SLC24A2: variants seen among roughly 807,000 people sequenced by gnomAD.
The protein encoded by SLC24A2 is sodium/potassium/calcium exchanger 2.
SLC24A2 carries 36 observed loss-of-function variants against 62.0 expected under a neutral mutation model. That is an observed-to-expected ratio of 0.58 (90% confidence interval 0.44 to 0.77). The LOEUF (loss-of-function observed/expected upper bound fraction) is 0.77, where lower values mean the gene tolerates loss of function less well. Among genes scored for constraint, SLC24A2 ranks in the 30% least tolerant of loss-of-function variants. SLC24A2 has a pLI of 0.00. For synonymous variants in SLC24A2, 358 were observed against 294.0 expected, an observed-to-expected ratio of 1.22 and a Z score of -2.23; for missense variants, 846 against 817.9, an observed-to-expected ratio of 1.03 and a Z score of -0.42.
the SLC24A2 span, among the ~76,000 whole-genome samples, chr9:20,230,355 G>A: frequency 6.6e-6 from 1 of 152,168 alleles, no homozygotes; most frequent in Admixed American, 6.5e-5. Flanking sequence ...CACCAACAGT[G>A]TAAAAGTGTT....
chr9:19,921,849 G>T, the SLC24A2 span, among the ~76,000 whole-genome samples: 1 of 152,174 alleles, frequency 6.6e-6, no homozygotes, highest in Non-Finnish European at 1.5e-5. Flanking sequence ...ATATCTTATT[G>T]ATATGAAAGT....
chr9:20,164,541 G>A, the SLC24A2 span, among the ~76,000 whole-genome samples: 1 of 150,396 alleles, frequency 6.6e-6, no homozygotes, highest in East Asian at 2.0e-4. Context: ...TGGTGGGACT[G>A]TAAACTAGTT....
the SLC24A2 span, among the ~76,000 whole-genome samples, chr9:20,035,569 C>T: frequency 9.9e-5 from 15 of 152,196 alleles, 1 homozygote; most frequent in East Asian, 2.9e-3. Flanking sequence ...ATCTGGGCAA[C>T]ATAGTGAGAC....
chr9:19,774,408 T>C (rs1164387134), intron 2 of SLC24A2, among the ~76,000 whole-genome samples: 1 of 152,160 alleles, frequency 6.6e-6, no homozygotes, highest in Non-Finnish European at 1.5e-5. Context: ...TAAATAATAA[T>C]TTCATTGTGT....
At chr9:19,613,858 C>T (rs1352210417) in intron 4 of SLC24A2, among the ~76,000 whole-genome samples, 1 of 152,108 alleles carries the variant, frequency 6.6e-6, no homozygotes. Flanking sequence ...TCTGGCTCTG[C>T]CATTTACTTC....
At chr9:20,119,489 G>GA in the SLC24A2 span, among the ~76,000 whole-genome samples, 2 of 151,972 alleles carry the variant, frequency 1.3e-5, no homozygotes, top group African/African-American at 4.8e-5. Context: ...CACATTGGTA[G>GA]AAAAAAAGGA....
At chr9:20,227,254 T>C in the SLC24A2 span, among the ~76,000 whole-genome samples, 1 of 152,168 alleles carries the variant, frequency 6.6e-6, no homozygotes, top group Non-Finnish European at 1.5e-5. Flanking sequence ...ATTTTAACTA[T>C]GGTTTGCCAA....
the SLC24A2 span, among the ~76,000 whole-genome samples, chr9:20,095,740 C>G: frequency 6.6e-6 from 1 of 151,374 alleles, no homozygotes; most frequent in African/African-American, 2.4e-5. Context: ...AATAAAGATA[C>G]CCAAGACTGG....
rs138698079 is a variant in SLC24A2 at position 19,666,745 on chromosome 9, T to C, written c.931-44446A>G. Among the ~76,000 whole-genome samples, 124 of 152,308 alleles carry C rather than the reference T, an allele frequency of 8.1e-4. No homozygotes were observed. The East Asian group carries it at 0.022, about 26-fold the overall frequency. ...GTCTAAAGGGCTACTAAAACCATTATGTTTTTTTCAATGCAGGACATCTTG... is the reference window on the plus strand; with the variant it reads ...GTCTAAAGGGCTACTAAAACCATTACGTTTTTTTCAATGCAGGACATCTTG... On this transcript the variant is annotated intron_variant, in intron 2 of 10. Coordinates refer to ENST00000341998, the MANE Select transcript of SLC24A2 (RefSeq NM_020344.4).
chr9:19,994,540 T>C, the SLC24A2 span, among the ~76,000 whole-genome samples: 2 of 152,138 alleles, frequency 1.3e-5, no homozygotes, highest in African/African-American at 4.8e-5. Context: ...TAACAAGTCA[T>C]GCCTAAGAGG....
At chr9:19,709,010 A>C (rs1820625945) in intron 2 of SLC24A2, among the ~76,000 whole-genome samples, 1 of 152,162 alleles carries the variant, frequency 6.6e-6, no homozygotes, top group Non-Finnish European at 1.5e-5. Context: ...TACTCATCTG[A>C]CAAAGGGCTA....
At chr9:19,678,786 TGA>T (rs1819629624) in intron 2 of SLC24A2, among the ~76,000 whole-genome samples, 1 of 152,234 alleles carries the variant, frequency 6.6e-6, no homozygotes, top group African/African-American at 2.4e-5. Flanking sequence ...ACTGCCTATC[TGA>T]GAGACAATAA....
chr9:20,128,169 G>T, the SLC24A2 span, among the ~76,000 whole-genome samples: 1 of 152,120 alleles, frequency 6.6e-6, no homozygotes. Flanking sequence ...GGGTAGGAAA[G>T]GCAGATGGTT....
intron 2 of SLC24A2, among the ~76,000 whole-genome samples, chr9:19,685,315 T>G (rs1403018915): frequency 6.6e-6 from 1 of 152,124 alleles, no homozygotes; most frequent in Non-Finnish European, 1.5e-5. Context: ...GAATCAATAT[T>G]GTTGAAATGG....
At chr9:19,829,697 C>G in the SLC24A2 span, among the ~76,000 whole-genome samples, 2 of 150,118 alleles carry the variant, frequency 1.3e-5, no homozygotes, top group Non-Finnish European at 3.0e-5. Context: ...TACCACTGTT[C>G]CAGGCTGGAT....
chr9:20,260,777 T>C, the SLC24A2 span, among the ~76,000 whole-genome samples: 6 of 151,714 alleles, frequency 4.0e-5, no homozygotes, highest in African/African-American at 9.7e-5. Flanking sequence ...CTGTACCCAA[T>C]GTGTAGTCCT....
the SLC24A2 span, among the ~76,000 whole-genome samples, chr9:20,026,359 T>C: frequency 1.3e-5 from 2 of 152,222 alleles, no homozygotes; most frequent in African/African-American, 4.8e-5. Flanking sequence ...AAGACAATGA[T>C]CATAAAATGC....
At chr9:20,044,629 G>C in the SLC24A2 span, among the ~76,000 whole-genome samples, 1 of 136,926 alleles carries the variant, frequency 7.3e-6, no homozygotes, top group South Asian at 2.6e-4. Flanking sequence ...TAATCAATTG[G>C]GGATAAAAAT....
chr9:20,027,223 A>G, the SLC24A2 span, among the ~76,000 whole-genome samples: 26 of 152,326 alleles, frequency 1.7e-4, no homozygotes, highest in East Asian at 2.3e-3. Flanking sequence ...TAGTACAGCT[A>G]TTATGGAAAA....
Sources: allele counts gnomAD v4.1 joint callset (sites outside exome capture counted in the v4.1 genomes callset), GRCh38; gene constraint gnomAD v4.1.1; transcripts MANE v1.5; gene names NCBI Gene and HGNC (gene_info 2026-07-23, HGNC 2026-07-21).